The following GRID2 variants were observed in gnomAD, a reference collection of about 807,000 sequenced individuals.
GRID2 encodes glutamate ionotropic receptor delta type subunit 2, also known as glutamate receptor ionotropic, delta-2.
Under a neutral mutation model 114.8 loss-of-function variants are expected in GRID2, and 33 were observed. The ratio of observed to expected loss-of-function variants is 0.29; its 90% confidence interval spans 0.22 to 0.38. GRID2 has a LOEUF of 0.38. Among genes scored for constraint, GRID2 ranks in the 10% least tolerant of loss-of-function variants. The pLI is 1.00. For missense variants in GRID2, 1,184 were observed against 1,257.7 expected, an observed-to-expected ratio of 0.94 and a Z score of 0.89; for synonymous variants, 505 against 449.9, an observed-to-expected ratio of 1.12 and a Z score of -1.55.
intron 8 of GRID2, among the ~76,000 whole-genome samples, chr4:93,260,153 A>G (rs1750096069): frequency 6.6e-6 from 1 of 151,690 alleles, no homozygotes; most frequent in Non-Finnish European, 1.5e-5. Flanking sequence ...ACTTTGCCCT[A>G]CTGGAGAGGA....
chr4:93,155,990 G>A (rs1264854613), intron 4 of GRID2, among the ~76,000 whole-genome samples: 2 of 151,490 alleles, frequency 1.3e-5, no homozygotes, highest in East Asian at 3.9e-4. Context: ...TTCCTAACAC[G>A]AAGAAACGAT....
intron 4 of GRID2, among the ~76,000 whole-genome samples, chr4:93,167,350 G>A (rs1209118064): frequency 1.3e-5 from 2 of 152,066 alleles, no homozygotes; most frequent in African/African-American, 4.8e-5. Context: ...CTGCTCCTTG[G>A]TGCTAATTTT....
intron 8 of GRID2, among the ~76,000 whole-genome samples, chr4:93,256,085 A>G (rs1749549938): frequency 6.6e-6 from 1 of 152,132 alleles, no homozygotes; most frequent in Non-Finnish European, 1.5e-5. Flanking sequence ...TTTTGGCTAC[A>G]CTTCTTCCTA....
intron 2 of GRID2, among the ~76,000 whole-genome samples, chr4:92,643,508 CA>C (rs1378734567): frequency 1.3e-5 from 2 of 151,836 alleles, no homozygotes; most frequent in Non-Finnish European, 2.9e-5. Flanking sequence ...AATAAATGTA[CA>C]AAAACTCACT....
At chr4:92,667,243 G>A (rs564513781) in intron 2 of GRID2, among the ~76,000 whole-genome samples, 14 of 151,560 alleles carry the variant, frequency 9.2e-5, no homozygotes, top group African/African-American at 3.1e-4. Flanking sequence ...ACTTATTATT[G>A]GTGCTTCCTA....
intron 13 of GRID2, among the ~76,000 whole-genome samples, chr4:93,560,172 A>T (rs1734759434): frequency 7.2e-6 from 1 of 139,180 alleles, no homozygotes; most frequent in Non-Finnish European, 1.5e-5. Context: ...GCAAGTGTGT[A>T]CCTACGTAAC....
chr4:92,917,925 T>C (rs1418080800), intron 2 of GRID2, among the ~76,000 whole-genome samples: 1 of 152,202 alleles, frequency 6.6e-6, no homozygotes, highest in African/African-American at 2.4e-5. Context: ...GCATTGAAAC[T>C]ATAAATTACC....
chr4:93,283,795 A>G (rs1485393533), intron 8 of GRID2, among the ~76,000 whole-genome samples: 22 of 152,090 alleles, frequency 1.4e-4, no homozygotes, highest in Admixed American at 1.4e-3. Context: ...CTGAACAGGG[A>G]GTTTAGTGAC....
chr4:92,342,101 C>A (rs1321458933), intron 1 of GRID2, among the ~76,000 whole-genome samples: 1 of 151,826 alleles, frequency 6.6e-6, no homozygotes, highest in Non-Finnish European at 1.5e-5. Flanking sequence ...CAAAATATTC[C>A]AAGTTGCTAT....
intron 1 of GRID2, among the ~76,000 whole-genome samples, chr4:92,459,329 G>T (rs1193560348): frequency 6.6e-6 from 1 of 152,026 alleles, no homozygotes; most frequent in African/African-American, 2.4e-5. Context: ...TATCCACTAA[G>T]ACCTTAACAT....
chr4:93,566,599 G>C (rs184870510), intron 13 of GRID2, among the ~76,000 whole-genome samples: 1 of 152,074 alleles, frequency 6.6e-6, no homozygotes, highest in East Asian at 1.9e-4. Flanking sequence ...GCAAAACCCT[G>C]TCTCTACTAA....
chr4:93,211,214 A>C (rs1579303197), intron 5 of GRID2, among the ~76,000 whole-genome samples: 1 of 152,180 alleles, frequency 6.6e-6, no homozygotes, highest in Admixed American at 6.6e-5. Context: ...ATGGTCATTT[A>C]CCCACTGTTT....
intron 2 of GRID2, among the ~76,000 whole-genome samples, chr4:92,768,600 T>C (rs1319495512): frequency 6.6e-6 from 1 of 152,188 alleles, no homozygotes; most frequent in Non-Finnish European, 1.5e-5. Context: ...CTGGGTAATT[T>C]ACAAAATAAA....
intron 1 of GRID2, among the ~76,000 whole-genome samples, chr4:92,401,683 A>C (rs562334234): frequency 6.6e-6 from 1 of 152,330 alleles, no homozygotes; most frequent in South Asian, 2.1e-4. Flanking sequence ...TAATTTATTG[A>C]TAAAAATGCT....
At chr4:93,257,434 G>A (rs528814475) in intron 8 of GRID2, among the ~76,000 whole-genome samples, 1 of 151,814 alleles carries the variant, frequency 6.6e-6, no homozygotes, top group East Asian at 1.9e-4. Flanking sequence ...TTAGTCTACA[G>A]ATAGTGATTT....
chr4:93,354,933 G>T (rs1425700637), intron 8 of GRID2, among the ~76,000 whole-genome samples: 2 of 148,736 alleles, frequency 1.3e-5, no homozygotes, highest in African/African-American at 4.9e-5. Context: ...TGCCCCCTGA[G>T]TGTGTGAAAC....
At chr4:92,524,695 C>T (rs557764245) in intron 1 of GRID2, among the ~76,000 whole-genome samples, 2 of 151,812 alleles carry the variant, frequency 1.3e-5, no homozygotes, top group Non-Finnish European at 2.9e-5. Context: ...CTAACATATT[C>T]ACAGTGGGCT....
intron 8 of GRID2, among the ~76,000 whole-genome samples, chr4:93,320,848 T>C (rs1231759601): frequency 6.6e-6 from 1 of 152,102 alleles, no homozygotes; most frequent in Admixed American, 6.6e-5. Flanking sequence ...ACTGTTTAAA[T>C]GTATATATCT....
intron 1 of GRID2, among the ~76,000 whole-genome samples, chr4:92,313,081 ATGTGTGTG>A (rs144557382): frequency 0.014 from 2,038 of 145,162 alleles, 45 homozygotes; most frequent in African/African-American, 0.045. Flanking sequence ...AAACTCTGAT[ATGTGTGTG>A]TGTGTGTGTG....
Sources: allele counts gnomAD v4.1 joint callset (sites outside exome capture counted in the v4.1 genomes callset), GRCh38; gene constraint gnomAD v4.1.1; transcripts MANE v1.5; gene names NCBI Gene and HGNC (gene_info 2026-07-23, HGNC 2026-07-21).